Variants in PDZD7 observed in about 807,000 individuals in gnomAD.
PDZD7 encodes the protein PDZ domain containing 7.
Under a neutral mutation model 84.7 loss-of-function variants are expected in PDZD7, and 72 were observed. That is an observed-to-expected ratio of 0.85 (90% CI 0.70 to 1.03). The LOEUF (loss-of-function observed/expected upper bound fraction) is 1.03. Among genes scored for constraint, PDZD7 ranks in the 50% least tolerant of loss-of-function variants. The probability of loss-of-function intolerance (pLI) is 0.00; values close to 1 mark genes in which losing one functional copy is unlikely to be tolerated. For synonymous variants in PDZD7, 594 were observed against 580.7 expected (o/e 1.02, Z -0.33); for missense variants, 1,490 against 1,412.9 (o/e 1.05, Z -0.87).
rs72838694 is a variant in PDZD7 at position 101,026,987 on chromosome 10, C to A, written c.227-2919G>T. ...TGTGAAATCTGAGATTTTCCAGGAGCCTGAGCCCTGCAAGGATGGAATCTT... is the reference window on the plus strand; with the variant it reads ...TGTGAAATCTGAGATTTTCCAGGAGACTGAGCCCTGCAAGGATGGAATCTT... On this transcript the variant is annotated intron_variant, in intron 2 of 16. Coordinates refer to ENST00000619208, the MANE Select transcript of PDZD7 (RefSeq NM_001195263.2). 4.1e-3 allele frequency among the ~76,000 whole-genome samples: 617 copies of A among 152,226 alleles called. 4 individuals are homozygous for A. Among genetic ancestry groups the A allele is most frequent in the South Asian group, 0.011 (51 of 4,826 alleles).
At position 101,023,986 on chromosome 10, in the gene PDZD7, C is replaced by T. The variant is rs768416593; in HGVS notation, c.309G>A (p.Gly103=). 1.7e-5 allele frequency: 28 copies of T among 1,614,156 alleles called. No individual in the cohort carries two copies. Among genetic ancestry groups the T allele is most frequent in the South Asian group, 4.4e-5 (4 of 91,090 alleles). The change falls in exon 3 of 17, where the codon GGG becomes GGA. Residue 103 remains glycine, a synonymous_variant. Coordinates refer to ENST00000619208, the MANE Select transcript of PDZD7 (RefSeq NM_001195263.2). ...AGATGCCCAGGCCATGCTCTGAGCC[C>T]CCGCGCACGCTGAAGCCCAGCCTCC... ...PAGRLGFSVR[G]GSEHGLGIFV...
chr10:101,015,716 G>A lies in PDZD7; in HGVS notation c.1669C>T (p.Arg557Trp), dbSNP rs780079499. ...VDEQVQAWESRRPLIQDLAQR... is the reference protein window; with the variant it reads ...VDEQVQAWESWRPLIQDLAQR... Reference sequence around the variant, plus strand: ...GCCAGGTCCTGAATGAGGGGCCGCCGGCTCTCCCAGGCCTGAACCTGCTCA... The same window carrying A: ...GCCAGGTCCTGAATGAGGGGCCGCCAGCTCTCCCAGGCCTGAACCTGCTCA... The change falls in exon 11 of 17, where the codon CGG (arginine) becomes TGG (tryptophan). Residue 557 changes from arginine to tryptophan, a missense_variant. Coordinates refer to ENST00000619208, the MANE Select transcript of PDZD7 (RefSeq NM_001195263.2). 3.3e-5 allele frequency: 51 copies of A among 1,550,138 alleles called. No homozygotes were observed. The highest frequency in any genetic ancestry group is 1.7e-4 in the Middle Eastern group (1 of 5,798).
rs1005009694 is a variant in PDZD7 at position 101,007,771 on chromosome 10, C to T, written c.*696G>A. ...GCCTCGTTTTCACTTGTATATTTTT[C>T]ACACTGTAAATTTCTTGTACAAACC... is the stretch of plus-strand genomic sequence containing the variant. On this transcript the variant is annotated 3_prime_UTR_variant, in exon 17 of 17. Transcript: ENST00000619208. 17 of 531,688 alleles carry T rather than the reference C, an allele frequency of 3.2e-5. No individual in the cohort carries two copies. Among genetic ancestry groups the T allele is most frequent in the Non-Finnish European group, 4.1e-5 (17 of 410,154 alleles). 32.9% of individuals were successfully genotyped at this position (531,688 alleles called of 1,614,324 possible).
At chr10:101,020,556 C>A in intron 7 of PDZD7, 62 bp downstream of exon 7, 1 of 1,493,552 alleles carries the variant, frequency 6.7e-7, no homozygotes, top group Non-Finnish European at 9.3e-7. Context: ...CTTCAGAGAG[C>A]CGGGCCCCAC....
intron 2 of PDZD7, among the ~76,000 whole-genome samples, chr10:101,027,969 A>C (rs1003810556): frequency 6.6e-6 from 1 of 152,198 alleles, no homozygotes; most frequent in African/African-American, 2.4e-5. Flanking sequence ...GTTGAATTTA[A>C]GGAGCTGGTG....
chr10:101,022,447 C>A, intron 4 of PDZD7, 62 bp from the exon 5 acceptor site: 1 of 1,601,716 alleles, frequency 6.2e-7, no homozygotes, highest in South Asian at 1.1e-5. Flanking sequence ...ACCACCCTCC[C>A]AGCAGTTCTG....
Position 101,010,736 on chromosome 10 carries a change from T to C in PDZD7, c.2153A>G (p.Gln718Arg). ...RHPHKGIPPL[Q>R]DVPVDAFTPL... Reference sequence around the variant, plus strand: ...GGTGAAGGCATCTACTGGCACGTCTTGTAGAGGGGGGATCCCTTTATGGGG... The same window carrying C: ...GGTGAAGGCATCTACTGGCACGTCTCGTAGAGGGGGGATCCCTTTATGGGG... The change falls in exon 15 of 17, where the codon CAA becomes CGA. Residue 718 changes from glutamine to arginine, a missense_variant. Physicochemically the swap from Gln to Arg is conservative, Grantham distance 43 (BLOSUM62 1). Coordinates refer to ENST00000619208, the MANE Select transcript of PDZD7 (RefSeq NM_001195263.2). The C allele has an allele frequency of 9.1e-7, 1 of 1,100,982 alleles. No individual in the cohort carries two copies. Among genetic ancestry groups the C allele is most frequent in the East Asian group, 5.8e-5 (1 of 17,260 alleles). The allele number at this position is 1,100,982 out of a possible 1,614,324, so 68.2% of individuals were successfully genotyped here.
intron 2 of PDZD7, among the ~76,000 whole-genome samples, chr10:101,027,768 G>A (rs1331744061): frequency 1.3e-5 from 2 of 152,212 alleles, no homozygotes; most frequent in Non-Finnish European, 2.9e-5. Context: ...GTTCAATCAT[G>A]GTGGGGACTT....
chr10:101,017,892 AAAAGAAAGAAAGAAAGAAAGAAAAG>A, intron 9 of PDZD7, 182 bp downstream of exon 9: 2 of 136,340 alleles, frequency 1.5e-5, no homozygotes, highest in South Asian at 2.4e-4. Context: ...AGAAAGAAAG[AAAAGAAAGAAAGAAAGAAAGAAAAG>A]AAAGAAAGAA....
chr10:101,017,626 A>G (rs1450893888), intron 9 of PDZD7: 1 of 701,508 alleles, frequency 1.4e-6, no homozygotes, highest in East Asian at 2.7e-5. Flanking sequence ...CTACAAAAAG[A>G]TGCAAAAAAA....
intron 11 of PDZD7, 69 bp downstream of exon 11, chr10:101,015,567 C>G: frequency 6.7e-7 from 1 of 1,502,494 alleles, no homozygotes; most frequent in South Asian, 1.3e-5. Context: ...TGGACAGTGG[C>G]CTGAATGAAT....
intron 3 of PDZD7, 126 bp downstream of exon 3, chr10:101,023,801 TC>T: frequency 6.5e-7 from 1 of 1,529,200 alleles, no homozygotes; most frequent in Non-Finnish European, 9.0e-7. Context: ...TGGCCCTGTC[TC>T]CCCATCAATC....
chr10:101,017,578 T>C (rs1285240467), intron 9 of PDZD7: 1 of 701,210 alleles, frequency 1.4e-6, no homozygotes, highest in Non-Finnish European at 2.6e-6. Context: ...GTCCAGGAAT[T>C]TGAGACTAGC....
Position 101,021,886 on chromosome 10 carries a change from G to C in PDZD7, c.779C>G (p.Ala260Gly), listed in dbSNP as rs1203375115. Residue 260 changes from alanine (A) to glycine (G), a missense_variant, in exon 6 of 17, where the codon GCA becomes GGA. Physicochemically the swap from Ala to Gly is moderately conservative, Grantham distance 60. Coordinates refer to ENST00000619208, the MANE Select transcript of PDZD7 (RefSeq NM_001195263.2). Reference protein sequence around the residue: ...NGIKVGDQVLAANGVRFDDIS... With the variant: ...NGIKVGDQVLGANGVRFDDIS... ...GTCGTCAAACCTGACACCGTTGGCTGCCAGGACCTGGTCCCCCACCTTGAT... is the reference window on the plus strand; with the variant it reads ...GTCGTCAAACCTGACACCGTTGGCTCCCAGGACCTGGTCCCCCACCTTGAT... The C allele has an allele frequency of 6.2e-7, 1 of 1,614,022 alleles. No individual in the cohort carries two copies. Among genetic ancestry groups the C allele is most frequent in the Non-Finnish European group, 8.5e-7 (1 of 1,180,036 alleles).
rs34616847 is a variant in PDZD7 at position 101,010,757 on chromosome 10, T to C, written c.2132A>G (p.His711Arg). Residue 711 changes from histidine (H) to arginine (R), a missense_variant, in exon 15 of 17, where the codon CAT becomes CGT. Transcript: ENST00000619208. ...GTCTTGTAGAGGGGGGATCCCTTTA[T>C]GGGGGTGGCGAGGGGCAGAGGCACT... ...SPSASAPRHP[H>R]KGIPPLQDVP... 0.033 allele frequency: 43,574 copies of C among 1,319,644 alleles called. 720 individuals carry two copies. The highest frequency in any genetic ancestry group is 0.039 in the African/African-American group (2,512 of 64,700). The allele number at this position is 1,319,644 out of a possible 1,614,324, so 81.7% of individuals were successfully genotyped here. A position where few individuals can be genotyped will look rare whatever the true frequency, so the allele number is the denominator to read the frequency against.
intron 15 of PDZD7, 128 bp from the exon 16 acceptor site, chr10:101,009,478 C>T: frequency 1.4e-6 from 1 of 734,340 alleles, no homozygotes; most frequent in Non-Finnish European, 2.3e-6. Flanking sequence ...CATTCTGTTA[C>T]TACTCAAATC....
At chr10:101,021,686 C>G (rs1000518788) in intron 6 of PDZD7, 112 bp downstream of exon 6, 49 of 1,503,650 alleles carry the variant, frequency 3.3e-5, no homozygotes, top group Non-Finnish European at 4.3e-5. Context: ...GCCTGTCTAC[C>G]TTCTAGTGGC....
rs1456418656 is a variant in PDZD7, at chr10:101,009,360, G to A, written c.2618-10C>T. The A allele has an allele frequency of 6.5e-7, 1 of 1,532,452 alleles. No individual in the cohort carries two copies. Among genetic ancestry groups the A allele is most frequent in the Non-Finnish European group, 8.7e-7 (1 of 1,143,644 alleles). The allele number at this position is 1,532,452 out of a possible 1,614,324, so 94.9% of individuals were successfully genotyped here. A position where few individuals can be genotyped will look rare whatever the true frequency, so the allele number is the denominator to read the frequency against. ...CCAGAAATGCTGATACCTAGTGACA[G>A]GGAGAAACACCGTGTGAGAGTGCAG... On this transcript the variant is annotated splice_polypyrimidine_tract_variant and intron_variant, in intron 15 of 16. Coordinates refer to ENST00000619208, the MANE Select transcript of PDZD7 (RefSeq NM_001195263.2).
intron 9 of PDZD7, chr10:101,017,406 C>A: frequency 5.0e-6 from 2 of 396,852 alleles, no homozygotes; most frequent in Non-Finnish European, 4.4e-6. Flanking sequence ...TTTTTTTTTT[C>A]TTTAGAGACA....
Sources: gnomAD v4.1 joint callset for allele counts (sites outside exome capture counted in the v4.1 genomes callset) on GRCh38, gnomAD v4.1.1 for gene constraint, MANE v1.5 for transcripts, NCBI Gene and HGNC (gene_info 2026-07-23, HGNC 2026-07-21) for gene names.